The following PPARGC1A variants were observed in gnomAD, a reference collection of about 807,000 sequenced individuals.
PPARGC1A encodes PPARG coactivator 1 alpha.
Under a neutral mutation model 88.7 loss-of-function variants are expected in PPARGC1A, and 25 were observed. That is an observed-to-expected ratio of 0.28 (90% CI 0.21 to 0.39). The LOEUF (loss-of-function observed/expected upper bound fraction) is 0.39. PPARGC1A is among the 10% of genes least tolerant of loss of function. PPARGC1A has a pLI of 1.00. For synonymous variants in PPARGC1A, 363 were observed against 355.6 expected, an observed-to-expected ratio of 1.02 and a Z score of -0.24; for missense variants, 880 against 968.7, an observed-to-expected ratio of 0.91 and a Z score of 1.22.
At chr4:24,039,238 G>A in the PPARGC1A span, among the ~76,000 whole-genome samples, 4 of 152,060 alleles carry the variant, frequency 2.6e-5, no homozygotes, top group East Asian at 7.7e-4. Flanking sequence ...TAGTAAACTT[G>A]TCCACCTGCT....
chr4:24,029,338 C>T, the PPARGC1A span, among the ~76,000 whole-genome samples: 4 of 152,168 alleles, frequency 2.6e-5, no homozygotes, highest in Non-Finnish European at 4.4e-5. Flanking sequence ...TTTCTCCATT[C>T]TATGTCCAAC....
chr4:23,976,876 T>C, the PPARGC1A span, among the ~76,000 whole-genome samples: 1 of 152,092 alleles, frequency 6.6e-6, no homozygotes, highest in South Asian at 2.1e-4. Flanking sequence ...TGGTATCTTA[T>C]ATTAGCAGCC....
At chr4:24,327,948 G>A in the PPARGC1A span, among the ~76,000 whole-genome samples, 1 of 152,020 alleles carries the variant, frequency 6.6e-6, no homozygotes, top group Non-Finnish European at 1.5e-5. Flanking sequence ...CCTTAACTGA[G>A]TGATTAACCC....
the PPARGC1A span, among the ~76,000 whole-genome samples, chr4:24,028,559 C>G: frequency 2.0e-5 from 3 of 152,172 alleles, no homozygotes. Context: ...AAGCTCTGTG[C>G]ACTGTGAGTC....
intron 2 of PPARGC1A, among the ~76,000 whole-genome samples, chr4:23,866,632 C>G (rs140438344): frequency 6.6e-6 from 1 of 152,104 alleles, no homozygotes; most frequent in Non-Finnish European, 1.5e-5. Flanking sequence ...GATGCAATGC[C>G]GAAAGACTCT....
chr4:24,170,431 G>A, the PPARGC1A span, among the ~76,000 whole-genome samples: 2 of 152,160 alleles, frequency 1.3e-5, no homozygotes, highest in Non-Finnish European at 1.5e-5. Context: ...TACCAAGAGG[G>A]TATAATCTAC....
At chr4:24,390,599 AT>A in the PPARGC1A span, among the ~76,000 whole-genome samples, 16 of 151,974 alleles carry the variant, frequency 1.1e-4, no homozygotes, top group South Asian at 1.5e-3. Flanking sequence ...TTTTAACAAT[AT>A]TTTTTACGTC....
At chr4:24,406,961 A>T in the PPARGC1A span, among the ~76,000 whole-genome samples, 1 of 152,176 alleles carries the variant, frequency 6.6e-6, no homozygotes, top group East Asian at 1.9e-4. Flanking sequence ...CTTGCTGCTC[A>T]TTCTCAGGCA....
the PPARGC1A span, among the ~76,000 whole-genome samples, chr4:24,257,008 C>T: frequency 6.6e-6 from 1 of 152,148 alleles, no homozygotes; most frequent in Non-Finnish European, 1.5e-5. Context: ...TAGGGAGATG[C>T]AGTAAGTGTT....
the PPARGC1A span, among the ~76,000 whole-genome samples, chr4:24,437,861 G>A: frequency 6.6e-6 from 1 of 151,982 alleles, no homozygotes; most frequent in East Asian, 1.9e-4. Flanking sequence ...TTTTTAAGTA[G>A]AGAAGGGGTT....
At chr4:24,371,417 A>T in the PPARGC1A span, among the ~76,000 whole-genome samples, 1 of 152,088 alleles carries the variant, frequency 6.6e-6, no homozygotes, top group Non-Finnish European at 1.5e-5. Context: ...CTTCCTACAA[A>T]ACAATCGAGT....
chr4:23,923,380 C>T, the PPARGC1A span, among the ~76,000 whole-genome samples: 1 of 152,072 alleles, frequency 6.6e-6, no homozygotes, highest in African/African-American at 2.4e-5. Context: ...TGTTCACGTG[C>T]TCAATCACTG....
At chr4:23,964,285 ACACTTTGTCTT>A in the PPARGC1A span, among the ~76,000 whole-genome samples, 1 of 152,220 alleles carries the variant, frequency 6.6e-6, no homozygotes, top group Non-Finnish European at 1.5e-5. Flanking sequence ...TTCAAACCCA[ACACTTTGTCTT>A]CAGAATCTGT....
chr4:24,454,437 T>C, the PPARGC1A span, among the ~76,000 whole-genome samples: 2 of 152,094 alleles, frequency 1.3e-5, no homozygotes, highest in Admixed American at 1.3e-4. Context: ...GCAATCCGGA[T>C]AAGAAATTCT....
At chr4:24,396,531 G>T in the PPARGC1A span, among the ~76,000 whole-genome samples, 1 of 152,088 alleles carries the variant, frequency 6.6e-6, no homozygotes, top group Admixed American at 6.6e-5. Flanking sequence ...AAAGAATGCC[G>T]ACATGGCTGT....
the PPARGC1A span, among the ~76,000 whole-genome samples, chr4:24,335,062 T>C: frequency 6.6e-6 from 1 of 152,204 alleles, no homozygotes; most frequent in African/African-American, 2.4e-5. Flanking sequence ...TATCAGGGTA[T>C]ACTCAAAACA....
chr4:24,185,528 GTGT>G, the PPARGC1A span, among the ~76,000 whole-genome samples: 1 of 152,188 alleles, frequency 6.6e-6, no homozygotes, highest in Non-Finnish European at 1.5e-5. Flanking sequence ...AGAGATGGTG[GTGT>G]TGTATTTCTC....
the PPARGC1A span, among the ~76,000 whole-genome samples, chr4:23,969,046 C>T: frequency 6.6e-6 from 1 of 152,172 alleles, no homozygotes; most frequent in Non-Finnish European, 1.5e-5. Flanking sequence ...ACCCTTCTCG[C>T]CCCACTGGGA....
upstream of PPARGC1A, chr4:23,903,887 C>T (rs1370857317): frequency 3.8e-6 from 1 of 264,744 alleles, no homozygotes; most frequent in East Asian, 1.7e-4. Flanking sequence ...CTGGTATACA[C>T]ACATATATGT....
Sources: allele counts gnomAD v4.1 joint callset (sites outside exome capture counted in the v4.1 genomes callset), GRCh38; gene constraint gnomAD v4.1.1; transcripts MANE v1.5; gene names NCBI Gene and HGNC (gene_info 2026-07-23, HGNC 2026-07-21).